Variants in PCGF6 observed in about 807,000 individuals in gnomAD.
The protein encoded by PCGF6 is polycomb group RING finger protein 6.
PCGF6 carries 24 observed loss-of-function variants against 45.5 expected under a neutral mutation model. The ratio of observed to expected loss-of-function variants is 0.53; its 90% CI spans 0.38 to 0.74. The LOEUF (loss-of-function observed/expected upper bound fraction) is 0.74, where lower values mean the gene tolerates loss of function less well. Ranked by LOEUF, PCGF6 falls within the 30% of genes least tolerant of loss-of-function variation. The probability of loss-of-function intolerance (pLI) is 0.00; values close to 1 mark genes in which losing one functional copy is unlikely to be tolerated. For synonymous variants in PCGF6, 152 were observed against 162.1 expected, an observed-to-expected ratio of 0.94 and a Z score of 0.47; for missense variants, 356 against 443.2, an observed-to-expected ratio of 0.80 and a Z score of 1.77.
chr10:103,316,784 TA>T (rs2133562685), intron 8 of PCGF6, among the ~76,000 whole-genome samples: 1 of 152,228 alleles, frequency 6.6e-6, no homozygotes, highest in East Asian at 1.9e-4. Context: ...TCTGTCAATT[TA>T]AAAGCTAGTA....
At position 103,351,046 on chromosome 10, in the gene PCGF6, C is replaced by T; in HGVS notation, c.21G>A (p.Val7=). 5 of 1,390,576 alleles carry T rather than the reference C, an allele frequency of 3.6e-6. No individual in the cohort carries two copies. The highest frequency in any genetic ancestry group is 4.7e-6 in the Non-Finnish European group (5 of 1,071,942). The allele number at this position is 1,390,576 out of a possible 1,614,324, so 86.1% of individuals were successfully genotyped here. A position where few individuals can be genotyped will look rare whatever the true frequency, so the allele number is the denominator to read the frequency against. MEGVAV[V]TAGSVGAAKT... ...TGGCAGCGCCTACGCTGCCCGCCGT[C>T]ACCACCGCGACCCCCTCCATGGTCG... Residue 7 remains valine (V), a synonymous_variant, in exon 1 of 10, where the codon GTG becomes GTA. Transcript: ENST00000369847.
At chr10:103,320,858 C>T (rs1323921060) in intron 8 of PCGF6, among the ~76,000 whole-genome samples, 1 of 151,446 alleles carries the variant, frequency 6.6e-6, no homozygotes, top group Admixed American at 6.6e-5. Flanking sequence ...CACACATTTC[C>T]CACCTGGGAC....
At chr10:103,348,577 G>C (rs552312935) in intron 3 of PCGF6, 139 bp downstream of exon 3, 3 of 629,716 alleles carry the variant, frequency 4.8e-6, no homozygotes, top group South Asian at 4.3e-5. Flanking sequence ...CACTCACCTC[G>C]GCCTCCCAAA....
chr10:103,304,435 G>C (rs2093130329), intron 9 of PCGF6, among the ~76,000 whole-genome samples: 1 of 152,160 alleles, frequency 6.6e-6, no homozygotes, highest in South Asian at 2.1e-4. Context: ...ATGCCTCCCA[G>C]GTTCAAGCAA....
At chr10:103,308,957 A>C (rs191686902) in intron 9 of PCGF6, among the ~76,000 whole-genome samples, 132 of 152,280 alleles carry the variant, frequency 8.7e-4, no homozygotes, top group African/African-American at 2.8e-3. Flanking sequence ...ATATAGCCTC[A>C]TTCTTTTGGC....
intron 6 of PCGF6, among the ~76,000 whole-genome samples, chr10:103,340,199 ATATATAT>A (rs1250685112): frequency 6.5e-5 from 6 of 92,804 alleles, no homozygotes; most frequent in African/African-American, 2.5e-4. Flanking sequence ...AAAAAAAAAA[ATATATAT>A]ATATATATAT....
intron 9 of PCGF6, among the ~76,000 whole-genome samples, chr10:103,306,940 C>T (rs1056074872): frequency 1.3e-5 from 2 of 151,482 alleles, no homozygotes; most frequent in Admixed American, 6.6e-5. Context: ...CCCGTCTCTA[C>T]AAAAAATACA....
At chr10:103,350,668 C>T (rs1452171434) in intron 1 of PCGF6, 39 bp downstream of exon 1, 1 of 1,412,708 alleles carries the variant, frequency 7.1e-7, no homozygotes, top group Non-Finnish European at 9.3e-7. Context: ...TCCCTGACGC[C>T]GCTTGGGCCC....
In PCGF6 at chr10:103,336,746, A is replaced by G. The variant is rs550156036; in HGVS notation, c.783-2794T>C. 2.0e-3 allele frequency among the ~76,000 whole-genome samples: 301 copies of G among 152,232 alleles called. 1 individual carries two copies. Among genetic ancestry groups the G allele is most frequent in the Non-Finnish European group, 2.6e-3 (177 of 68,022 alleles). ...AAAAATTAGCCAGGTGTGTTGGCAC[A>G]TGCCTGTAATCCTAGCTACTCGAGA... On this transcript the variant is annotated intron_variant, in intron 6 of 9. Transcript: ENST00000369847.
At chr10:103,325,672 T>C (rs2093215521) in intron 8 of PCGF6, among the ~76,000 whole-genome samples, 2 of 152,106 alleles carry the variant, frequency 1.3e-5, no homozygotes, top group African/African-American at 4.8e-5. Context: ...CTCTTTAATA[T>C]TTCTATCTTC....
intron 8 of PCGF6, among the ~76,000 whole-genome samples, chr10:103,324,914 C>T (rs2093211899): frequency 6.6e-6 from 1 of 151,546 alleles, no homozygotes; most frequent in East Asian, 1.9e-4. Context: ...GTAGGCGGAT[C>T]ACCTGAGGTC....
intron 9 of PCGF6, among the ~76,000 whole-genome samples, chr10:103,308,581 T>G (rs2093145647): frequency 6.6e-6 from 1 of 151,382 alleles, no homozygotes; most frequent in African/African-American, 2.4e-5. Context: ...AGCTTTAAGA[T>G]TTAATGAGAG....
intron 6 of PCGF6, among the ~76,000 whole-genome samples, chr10:103,341,808 A>G (rs1349665448): frequency 6.6e-6 from 1 of 152,110 alleles, no homozygotes; most frequent in African/African-American, 2.4e-5. Flanking sequence ...CCTTCTTTTG[A>G]TTAGTATGAA....
At chr10:103,337,697 G>T (rs1481511734) in intron 6 of PCGF6, among the ~76,000 whole-genome samples, 4 of 152,164 alleles carry the variant, frequency 2.6e-5, no homozygotes, top group Non-Finnish European at 5.9e-5. Flanking sequence ...GGAGGTCGAG[G>T]TGGGTGGATA....
chr10:103,321,011 C>T (rs1159115969), intron 8 of PCGF6, among the ~76,000 whole-genome samples: 1 of 152,112 alleles, frequency 6.6e-6, no homozygotes, highest in African/African-American at 2.4e-5. Context: ...AAATTTAGGC[C>T]TCAACAATTT....
chr10:103,339,396 G>GA (rs2093270131), intron 6 of PCGF6, among the ~76,000 whole-genome samples: 1 of 151,470 alleles, frequency 6.6e-6, no homozygotes, highest in South Asian at 2.1e-4. Flanking sequence ...TCTCAAGGAG[G>GA]AAAAAACAGA....
At chr10:103,325,186 T>G (rs189413286) in intron 8 of PCGF6, among the ~76,000 whole-genome samples, 1 of 147,320 alleles carries the variant, frequency 6.8e-6, no homozygotes, top group Non-Finnish European at 1.5e-5. Context: ...TAAAATAAAA[T>G]AATAGGGTCC....
chr10:103,343,036 C>G (rs903167260), intron 6 of PCGF6, among the ~76,000 whole-genome samples: 3 of 152,094 alleles, frequency 2.0e-5, no homozygotes, highest in African/African-American at 7.2e-5. Context: ...TCACGCCATT[C>G]TCCTGCCTCA....
intron 8 of PCGF6, among the ~76,000 whole-genome samples, chr10:103,321,079 A>C (rs1250181782): frequency 1.3e-5 from 2 of 152,228 alleles, no homozygotes; most frequent in Non-Finnish European, 2.9e-5. Context: ...GTTAAATAAT[A>C]ATTTATGAAC....
Sources: gnomAD v4.1 joint callset for allele counts (sites outside exome capture counted in the v4.1 genomes callset) on GRCh38, gnomAD v4.1.1 for gene constraint, MANE v1.5 for transcripts, NCBI Gene and HGNC (gene_info 2026-07-23, HGNC 2026-07-21) for gene names.